The following GALNT17 variants were observed in gnomAD, a reference collection of about 807,000 sequenced individuals.
The protein encoded by GALNT17 is polypeptide N-acetylgalactosaminyltransferase 17, also known as UDP-GalNAc:polypeptide N-acetylgalactosaminyltransferase-like 3.
GALNT17 carries 29 observed loss-of-function variants against 63.7 expected under a neutral mutation model. The ratio of observed to expected loss-of-function variants is 0.46; its 90% CI spans 0.34 to 0.62. The LOEUF is 0.62. GALNT17 is among the 20% of genes least tolerant of loss of function. GALNT17 has a pLI of 0.01. For synonymous variants in GALNT17, 305 were observed against 318.3 expected, an observed-to-expected ratio of 0.96 and a Z score of 0.45; for missense variants, 603 against 799.6, an observed-to-expected ratio of 0.75 and a Z score of 2.97.
chr7:71,453,933 C>T (rs973518729), intron 5 of GALNT17, among the ~76,000 whole-genome samples: 1 of 152,172 alleles, frequency 6.6e-6, no homozygotes, highest in Non-Finnish European at 1.5e-5. Flanking sequence ...CCACGTCTTT[C>T]TTCCAAGAGC....
chr7:71,278,386 T>C (rs1022689852), intron 1 of GALNT17, among the ~76,000 whole-genome samples: 41 of 152,218 alleles, frequency 2.7e-4, no homozygotes, highest in African/African-American at 8.9e-4. Context: ...TGAAGAATCC[T>C]TCCTTGCCAC....
intron 1 of GALNT17, among the ~76,000 whole-genome samples, chr7:71,283,655 C>G (rs112416618): frequency 0.036 from 5,409 of 152,072 alleles, 337 homozygotes; most frequent in African/African-American, 0.12. Context: ...TGGGAGGGAC[C>G]TGGTGGGAGG....
chr7:71,458,576 G>A (rs898114288), intron 5 of GALNT17, among the ~76,000 whole-genome samples: 5 of 152,206 alleles, frequency 3.3e-5, no homozygotes, highest in South Asian at 4.1e-4. Flanking sequence ...TGGTGCCTGG[G>A]TTCTTGCCTG....
In GALNT17 at chr7:71,216,065, A is replaced by AATAATAATGATG. The variant is rs147593554; in HGVS notation, c.238+83026_238+83027insTAATAATGATGA. ...CTCCATAAATAATAATAATAATAAT[A>AATAATAATGATG]AAAAAGCCAAGCGTGGTAGTGCACA... On this transcript the variant is annotated intron_variant, in intron 1 of 10. Coordinates refer to ENST00000333538, the MANE Select transcript of GALNT17 (RefSeq NM_022479.3). 6.6e-5 allele frequency among the ~76,000 whole-genome samples: 10 copies of AATAATAATGATG among 151,248 alleles called. No individual in the cohort carries two copies. In the South Asian group the frequency reaches 2.1e-3, roughly 32 times the overall value.
intron 6 of GALNT17, among the ~76,000 whole-genome samples, chr7:71,586,258 A>G: frequency 6.6e-6 from 1 of 152,172 alleles, no homozygotes; most frequent in East Asian, 1.9e-4. Context: ...TATCACATAA[A>G]TGGAATCACA....
chr7:71,708,368 A>C (rs1917738), intron 9 of GALNT17, among the ~76,000 whole-genome samples: 34,608 of 151,990 alleles, frequency 0.23, 5,778 homozygotes, highest in East Asian at 0.9. Context: ...ACTGTCCTTT[A>C]TAAAACCAGC....
intron 6 of GALNT17, among the ~76,000 whole-genome samples, chr7:71,616,800 G>T (rs1336684359): frequency 1.0e-5 from 1 of 95,470 alleles, no homozygotes; most frequent in African/African-American, 4.2e-5. Flanking sequence ...ATATATTAGT[G>T]TATACATTAG....
At chr7:71,416,484 C>T (rs1318952683) in intron 4 of GALNT17, among the ~76,000 whole-genome samples, 9 of 152,068 alleles carry the variant, frequency 5.9e-5, no homozygotes, top group East Asian at 1.9e-4. Context: ...TGGTGGAGCA[C>T]GCCTGTAGTC....
intron 6 of GALNT17, among the ~76,000 whole-genome samples, chr7:71,586,253 C>T (rs2116908623): frequency 6.6e-6 from 1 of 152,270 alleles, no homozygotes; most frequent in South Asian, 2.1e-4. Flanking sequence ...CAGAATATCA[C>T]ATAAATGGAA....
At chr7:71,407,286 GC>G in intron 3 of GALNT17, among the ~76,000 whole-genome samples, 1 of 152,300 alleles carries the variant, frequency 6.6e-6, no homozygotes, top group African/African-American at 2.4e-5. Flanking sequence ...GCAGAGATGT[GC>G]CCAGGGAGAA....
In GALNT17 at chr7:71,368,380, C is replaced by T. The variant is rs567742052; in HGVS notation, c.423-19855C>T. On this transcript the variant is annotated intron_variant, in intron 2 of 10. Coordinates refer to ENST00000333538, the MANE Select transcript of GALNT17 (RefSeq NM_022479.3). The stretch of plus-strand genomic sequence containing the variant: ...GGCGGTACATTGTACATTTTCTCTC[C>T]TCTGTTTTTACACATGCTATTCATT... Among the ~76,000 whole-genome samples, 13 of 152,252 alleles carry T rather than the reference C, an allele frequency of 8.5e-5. No individual in the cohort carries two copies. In the South Asian group the frequency reaches 2.3e-3, roughly 27 times the overall value.
At chr7:71,333,400 T>A (rs1420691115) in intron 1 of GALNT17, among the ~76,000 whole-genome samples, 1 of 152,222 alleles carries the variant, frequency 6.6e-6, no homozygotes, top group East Asian at 1.9e-4. Flanking sequence ...CAGTCATCAG[T>A]TGATGGACAT....
intron 3 of GALNT17, among the ~76,000 whole-genome samples, chr7:71,392,999 G>A (rs1206573827): frequency 2.0e-5 from 3 of 152,180 alleles, no homozygotes; most frequent in Non-Finnish European, 4.4e-5. Context: ...TCAATTTTGT[G>A]TATTCTGGTA....
intron 5 of GALNT17, among the ~76,000 whole-genome samples, chr7:71,513,513 G>A (rs1009905641): frequency 1.3e-5 from 2 of 152,010 alleles, no homozygotes; most frequent in African/African-American, 4.8e-5. Context: ...AGCCTCCCGA[G>A]TAGCTGTGAC....
At chr7:71,152,635 T>A (rs1456899631) in intron 1 of GALNT17, among the ~76,000 whole-genome samples, 2 of 152,038 alleles carry the variant, frequency 1.3e-5, no homozygotes, top group Admixed American at 1.3e-4. Flanking sequence ...CACATTTTCT[T>A]TCTTTTTTTT....
Position 71,669,964 on chromosome 7 carries a change from C to G in GALNT17, c.1267-8C>G. 6.2e-7 allele frequency: 1 copy of G among 1,613,972 alleles called. No individual in the cohort carries two copies. The highest frequency in any genetic ancestry group is 8.5e-7 in the Non-Finnish European group (1 of 1,179,946). ...CACTAACACCCCTTGGCTTCTCTCT[C>G]CTTTCAGAATCCGGGAATTGACATC... On this transcript the variant is annotated splice_region_variant and splice_polypyrimidine_tract_variant and intron_variant, in intron 7 of 10. Transcript: ENST00000333538.
intron 5 of GALNT17, among the ~76,000 whole-genome samples, chr7:71,492,477 A>G (rs1225682587): frequency 5.3e-5 from 8 of 152,130 alleles, no homozygotes; most frequent in African/African-American, 1.7e-4. Context: ...CTTGGCACCC[A>G]TGGAAATGCT....
intron 5 of GALNT17, among the ~76,000 whole-genome samples, chr7:71,466,925 A>C (rs1300593081): frequency 6.6e-6 from 1 of 152,014 alleles, no homozygotes; most frequent in Admixed American, 6.5e-5. Flanking sequence ...CATGTGCCCA[A>C]GGTGGCTGTA....
intron 6 of GALNT17, among the ~76,000 whole-genome samples, chr7:71,588,992 G>A (rs1253014376): frequency 6.6e-6 from 1 of 152,012 alleles, no homozygotes; most frequent in African/African-American, 2.4e-5. Flanking sequence ...GGGTCAATAC[G>A]GGGCCCTTAA....
Sources: gnomAD v4.1 joint callset for allele counts (sites outside exome capture counted in the v4.1 genomes callset) on GRCh38, gnomAD v4.1.1 for gene constraint, MANE v1.5 for transcripts, NCBI Gene and HGNC (gene_info 2026-07-23, HGNC 2026-07-21) for gene names.